Variants in RBFOX1 observed in about 807,000 individuals in gnomAD.
RBFOX1 encodes RNA binding fox-1 homolog 1.
A neutral mutation model predicts 57.7 loss-of-function variants in RBFOX1; 8 were observed. The observed-to-expected ratio is 0.14, with a 90% CI of 0.08 to 0.25. The LOEUF (loss-of-function observed/expected upper bound fraction) is 0.25. Ranked by LOEUF, RBFOX1 falls within the 10% of genes least tolerant of loss-of-function variation. RBFOX1 has a pLI of 1.00. For missense variants in RBFOX1, 611 were observed against 548.5 expected (o/e 1.11, Z -1.14); for synonymous variants, 326 against 222.4 (o/e 1.47, Z -4.15).
At chr16:6,373,693 C>A (rs546142019) in intron 2 of RBFOX1, among the ~76,000 whole-genome samples, 2 of 152,048 alleles carry the variant, frequency 1.3e-5, no homozygotes, top group South Asian at 4.2e-4. Flanking sequence ...GGTTTTCATG[C>A]AAGAGCATTT....
At chr16:6,688,054 G>T (rs1212013282) in intron 3 of RBFOX1, among the ~76,000 whole-genome samples, 1 of 152,160 alleles carries the variant, frequency 6.6e-6, no homozygotes, top group Non-Finnish European at 1.5e-5. Context: ...TTCTTGCACT[G>T]CCATAGACAA....
intron 2 of RBFOX1, among the ~76,000 whole-genome samples, chr16:6,653,632 G>A (rs1340278827): frequency 3.3e-5 from 5 of 152,058 alleles, no homozygotes; most frequent in Admixed American, 2.6e-4. Flanking sequence ...TGGGTGGATG[G>A]ATGGATGAAT....
Position 6,394,112 on chromosome 16 carries a change from T to C in RBFOX1, c.-64+77055T>C, listed in dbSNP as rs1197052677. Among the ~76,000 whole-genome samples the C allele has an allele frequency of 2.0e-5, 3 of 152,180 alleles. No homozygotes were observed. The South Asian group carries it at 6.2e-4, about 32-fold the overall frequency. On this transcript the variant is annotated intron_variant, in intron 2 of 15. Transcript: ENST00000550418. ...ATCTCCACTGCTTCAAACAGGGCAC[T>C]AGTGTTCCAAGCTTTGTGTTTCTAT...
intron 2 of RBFOX1, among the ~76,000 whole-genome samples, chr16:6,369,881 C>T (rs1223892630): frequency 1.3e-5 from 2 of 152,174 alleles, no homozygotes; most frequent in African/African-American, 4.8e-5. Context: ...CCTCTGGTCT[C>T]ATCCACAGTT....
At chr16:5,689,150 G>A (rs1425249494) in intron 3 of RBFOX1, among the ~76,000 whole-genome samples, 4 of 152,196 alleles carry the variant, frequency 2.6e-5, no homozygotes, top group Admixed American at 6.5e-5. Flanking sequence ...TCAAGGTCAC[G>A]TCCAGAGAAC....
intron 3 of RBFOX1, among the ~76,000 whole-genome samples, chr16:7,025,181 T>A (rs148472117): frequency 1.1e-4 from 16 of 152,256 alleles, no homozygotes; most frequent in African/African-American, 3.9e-4. Context: ...TTATGGTTAT[T>A]TCTTGATGAT....
At position 7,378,033 on chromosome 16, in the gene RBFOX1, G is replaced by A. The variant is rs556260166; in HGVS notation, c.28-140114G>A. The stretch of plus-strand genomic sequence containing the variant: ...TCTAAAGTTAGAATAAGCTTGACAT[G>A]TCTGAAGAAGAGCAAAGAGACTCCG... On this transcript the variant is annotated intron_variant, in intron 4 of 15. Transcript: ENST00000550418. Among the ~76,000 whole-genome samples, 88 of 152,350 alleles carry A rather than the reference G, an allele frequency of 5.8e-4. No homozygotes were observed. In the South Asian group the frequency reaches 0.018, roughly 31 times the overall value.
rs1383838091 is a variant in RBFOX1, at chr16:6,859,175, GTA to G, written c.-15-192874_-15-192873del. Among the ~76,000 whole-genome samples, 43 of 66,512 alleles carry G rather than the reference GTA, an allele frequency of 6.5e-4. 1 individual carries two copies. The highest frequency in any genetic ancestry group is 8.2e-3 in the Middle Eastern group (1 of 122). The allele number at this position is 66,512 out of a possible 152,430, so 43.6% of individuals were successfully genotyped here. A position where few individuals can be genotyped will look rare whatever the true frequency, so the allele number is the denominator to read the frequency against. On this transcript the variant is annotated intron_variant, in intron 3 of 15. Transcript: ENST00000550418. ...TATGTATATATATACGTATATATAT[GTA>G]TATATATGTATATATATATGTATAT...
At chr16:7,113,365 C>G (rs960094615) in intron 4 of RBFOX1, among the ~76,000 whole-genome samples, 2 of 152,132 alleles carry the variant, frequency 1.3e-5, no homozygotes, top group East Asian at 1.9e-4. Context: ...TTAAGTCTTT[C>G]CGCAGTAAAG....
At chr16:6,822,900 T>C (rs573364290) in intron 3 of RBFOX1, among the ~76,000 whole-genome samples, 3 of 152,212 alleles carry the variant, frequency 2.0e-5, no homozygotes, top group Non-Finnish European at 4.4e-5. Context: ...TGCATTAATA[T>C]TAACAAGTGC....
At chr16:7,035,146 C>A (rs1045336171) in intron 3 of RBFOX1, among the ~76,000 whole-genome samples, 3 of 151,976 alleles carry the variant, frequency 2.0e-5, no homozygotes, top group Non-Finnish European at 1.5e-5. Flanking sequence ...CTGCACCGGG[C>A]CTCTGAGACA....
At chr16:5,676,522 T>C (rs1596704770) in intron 3 of RBFOX1, among the ~76,000 whole-genome samples, 4 of 152,202 alleles carry the variant, frequency 2.6e-5, no homozygotes, top group African/African-American at 7.2e-5. Flanking sequence ...AAAATGCAGA[T>C]AGCAATGAGT....
At chr16:6,610,170 G>C (rs562724711) in intron 2 of RBFOX1, among the ~76,000 whole-genome samples, 1 of 152,224 alleles carries the variant, frequency 6.6e-6, no homozygotes, top group Admixed American at 6.5e-5. Flanking sequence ...GAAGCTCTTC[G>C]GTGTGCATTA....
intron 3 of RBFOX1, among the ~76,000 whole-genome samples, chr16:6,845,959 T>C (rs7194057): frequency 0.79 from 120,191 of 151,886 alleles, 48,436 homozygotes; most frequent in African/African-American, 0.95. Flanking sequence ...GCTTCTTCCT[T>C]AGGTGTTACT....
At chr16:6,939,953 G>C (rs1451114446) in intron 3 of RBFOX1, among the ~76,000 whole-genome samples, 1 of 152,190 alleles carries the variant, frequency 6.6e-6, no homozygotes, top group Non-Finnish European at 1.5e-5. Flanking sequence ...TAGCAGGAAT[G>C]ACATGGGTGG....
At chr16:5,956,678 A>ATTT (rs34743228) in intron 4 of RBFOX1, among the ~76,000 whole-genome samples, 5 of 116,480 alleles carry the variant, frequency 4.3e-5, no homozygotes, top group African/African-American at 1.4e-4. Context: ...ATATATATAT[A>ATTT]TTTTTTTTGA....
chr16:6,794,380 C>A (rs776600560), intron 3 of RBFOX1, among the ~76,000 whole-genome samples: 1 of 148,070 alleles, frequency 6.8e-6, no homozygotes, highest in Non-Finnish European at 1.5e-5. Flanking sequence ...CTTAACTACA[C>A]TCTTTGAAAA....
chr16:7,702,931 T>C (rs1230252859), intron 14 of RBFOX1, among the ~76,000 whole-genome samples: 2 of 152,240 alleles, frequency 1.3e-5, no homozygotes, highest in Non-Finnish European at 2.9e-5. Flanking sequence ...GAATCACTTC[T>C]TCCTGGGTGC....
chr16:7,016,443 A>G (rs2093917215), intron 3 of RBFOX1, among the ~76,000 whole-genome samples: 1 of 152,174 alleles, frequency 6.6e-6, no homozygotes, highest in Admixed American at 6.5e-5. Context: ...ATCTGGGCTC[A>G]TGTTTCTCAC....
Sources: gnomAD v4.1 joint callset for allele counts (sites outside exome capture counted in the v4.1 genomes callset) on GRCh38, gnomAD v4.1.1 for gene constraint, MANE v1.5 for transcripts, NCBI Gene and HGNC (gene_info 2026-07-23, HGNC 2026-07-21) for gene names.